The following CUL3 variants were observed in gnomAD, a reference collection of about 807,000 sequenced individuals.
CUL3 encodes the protein cullin-3.
A neutral mutation model predicts 89.1 loss-of-function variants in CUL3; 19 were observed. That is an observed-to-expected ratio of 0.21 (90% CI 0.15 to 0.31). CUL3 has a LOEUF of 0.31. CUL3 is among the 10% of genes least tolerant of loss of function. The pLI is 1.00. For missense variants in CUL3, 469 were observed against 942.3 expected (o/e 0.50, Z 6.58); for synonymous variants, 351 against 308.4 (o/e 1.14, Z -1.45).
intron 3 of CUL3, among the ~76,000 whole-genome samples, chr2:224,520,949 C>T (rs1693236283): frequency 1.3e-5 from 2 of 152,168 alleles, no homozygotes; most frequent in Admixed American, 6.5e-5. Context: ...CCTATTGAAG[C>T]TAAACCTATG....
intron 2 of CUL3, among the ~76,000 whole-genome samples, chr2:224,540,009 T>C (rs977305207): frequency 6.6e-6 from 1 of 151,422 alleles, no homozygotes; most frequent in African/African-American, 2.4e-5. Context: ...GCTGTGCATA[T>C]GTTGGGGCAG....
At chr2:224,553,331 TTGAC>T (rs1286603413) in intron 2 of CUL3, among the ~76,000 whole-genome samples, 2 of 152,150 alleles carry the variant, frequency 1.3e-5, no homozygotes, top group African/African-American at 2.4e-5. Context: ...TAGTCAAAAA[TTGAC>T]TGGTCAAATG....
intron 1 of CUL3, among the ~76,000 whole-genome samples, chr2:224,565,269 G>T (rs1407581825): frequency 1.3e-5 from 2 of 152,154 alleles, no homozygotes; most frequent in Admixed American, 1.3e-4. Context: ...AAAAGAAAAT[G>T]TATTTGGTAT....
At chr2:224,483,599 T>G (rs1038005237) in intron 13 of CUL3, among the ~76,000 whole-genome samples, 1 of 152,208 alleles carries the variant, frequency 6.6e-6, no homozygotes, top group Non-Finnish European at 1.5e-5. Context: ...TATATACACA[T>G]GAATACAAGT....
chr2:224,495,185 C>T (rs988182432), intron 13 of CUL3: 4 of 151,498 alleles, frequency 2.6e-5, no homozygotes, highest in Non-Finnish European at 4.4e-5. Flanking sequence ...CCAACTAAAG[C>T]GGCTCAAAAT....
chr2:224,542,240 C>G (rs921523798), intron 2 of CUL3, among the ~76,000 whole-genome samples: 3 of 152,188 alleles, frequency 2.0e-5, no homozygotes, highest in Non-Finnish European at 4.4e-5. Flanking sequence ...GACCACTATT[C>G]TTTGTTTCTG....
At chr2:224,576,150 C>T (rs1317896164) in intron 1 of CUL3, among the ~76,000 whole-genome samples, 1 of 152,164 alleles carries the variant, frequency 6.6e-6, no homozygotes, top group Non-Finnish European at 1.5e-5. Flanking sequence ...CAATAAACCA[C>T]ATCTGGGCCC....
intron 3 of CUL3, among the ~76,000 whole-genome samples, chr2:224,534,030 A>C (rs1253328284): frequency 6.6e-6 from 1 of 152,226 alleles, no homozygotes; most frequent in East Asian, 1.9e-4. Flanking sequence ...AAAACTAAAA[A>C]AACTAGAAAC....
chr2:224,562,757 T>C (rs1344389011), intron 1 of CUL3: 1 of 152,418 alleles, frequency 6.6e-6, no homozygotes, highest in African/African-American at 2.4e-5. Context: ...TCCAAATCAG[T>C]GGACTAATGT....
rs1692488660 is a variant in CUL3 at position 224,503,834 on chromosome 2, AGAT to A, written c.1207-15_1207-13del. On this transcript the variant is annotated splice_polypyrimidine_tract_variant and intron_variant, in intron 8 of 15. Coordinates refer to ENST00000264414, the MANE Select transcript of CUL3 (RefSeq NM_003590.5). ...TCTTGTTCTGTTAGCTGCAAAATTA[AGAT>A]GATGTAACAATTATACAATTTTAGT... 6.6e-7 allele frequency: 1 copy of A among 1,526,534 alleles called. No individual in the cohort carries two copies. Among genetic ancestry groups the A allele is most frequent in the South Asian group, 1.3e-5 (1 of 77,244 alleles). 94.6% of individuals were successfully genotyped at this position (1,526,534 alleles called of 1,614,324 possible). A position where few individuals can be genotyped will look rare whatever the true frequency, so the allele number is the denominator to read the frequency against.
intron 13 of CUL3, among the ~76,000 whole-genome samples, chr2:224,491,931 C>T (rs1424008447): frequency 6.6e-6 from 1 of 152,098 alleles, no homozygotes; most frequent in Non-Finnish European, 1.5e-5. Context: ...GCTGACCTTT[C>T]TTTGTATTGT....
intron 12 of CUL3, 22 bp downstream of exon 12, chr2:224,497,731 C>T (rs199852379): frequency 1.0e-5 from 16 of 1,556,698 alleles, no homozygotes; most frequent in East Asian, 2.2e-5. Flanking sequence ...TTACTTAATA[C>T]GTTCAAACTA....
chr2:224,580,443 C>T (rs763802062), intron 1 of CUL3, among the ~76,000 whole-genome samples: 84 of 152,278 alleles, frequency 5.5e-4, no homozygotes, highest in South Asian at 2.1e-3. Context: ...CAGCACTTTG[C>T]GTAACAGCGG....
At chr2:224,476,937 G>GT (rs1402969544) in intron 15 of CUL3, among the ~76,000 whole-genome samples, 4 of 152,038 alleles carry the variant, frequency 2.6e-5, no homozygotes, top group African/African-American at 9.7e-5. Context: ...ACTCTTGGTG[G>GT]TTTCCACCTC....
intron 10 of CUL3, among the ~76,000 whole-genome samples, chr2:224,501,192 T>C (rs922020020): frequency 6.6e-6 from 1 of 152,210 alleles, no homozygotes; most frequent in Non-Finnish European, 1.5e-5. Flanking sequence ...ATTTTTACTA[T>C]CTTAATACAT....
Position 224,487,441 on chromosome 2 carries a change from C to CA in CUL3, c.1843-5364_1843-5363insT, listed in dbSNP as rs891979153. ...AGGAATATTTACCAAGCCCGCCCCC[C>CA]CCAAAAAAAAAAAAAAAAAAAAAAG... On this transcript the variant is annotated intron_variant, in intron 13 of 15. Transcript: ENST00000264414. Among the ~76,000 whole-genome samples, 26 of 99,140 alleles carry CA rather than the reference C, an allele frequency of 2.6e-4. No individual in the cohort carries two copies. The East Asian group carries it at 2.9e-3, about 11-fold the overall frequency. 65.0% of individuals were successfully genotyped at this position (99,140 alleles called of 152,430 possible).
chr2:224,495,770 C>A (rs1449548311), intron 13 of CUL3, 62 bp downstream of exon 13: 4 of 1,405,956 alleles, frequency 2.8e-6, no homozygotes, highest in Admixed American at 2.0e-5. Context: ...ATAAGAAAGA[C>A]TCAAGTAACA....
At chr2:224,481,312 T>C (rs1691530846) in intron 14 of CUL3, among the ~76,000 whole-genome samples, 1 of 152,014 alleles carries the variant, frequency 6.6e-6, no homozygotes. Context: ...GTGCCTTTTT[T>C]CCCCTTTAAA....
intron 5 of CUL3, among the ~76,000 whole-genome samples, chr2:224,512,875 C>A (rs1299543457): frequency 6.6e-6 from 1 of 152,068 alleles, no homozygotes; most frequent in Non-Finnish European, 1.5e-5. Flanking sequence ...ACAGTTGACC[C>A]TTGAACAACA....
Sources: gnomAD v4.1 joint callset for allele counts (sites outside exome capture counted in the v4.1 genomes callset) on GRCh38, gnomAD v4.1.1 for gene constraint, MANE v1.5 for transcripts, NCBI Gene and HGNC (gene_info 2026-07-23, HGNC 2026-07-21) for gene names.